RGS21: variants seen among roughly 807,000 people sequenced by gnomAD.
RGS21 encodes the protein regulator of G-protein signalling 21.
RGS21 carries 19 observed loss-of-function variants against 18.7 expected under a neutral mutation model. That is an observed-to-expected ratio of 1.01 (90% CI 0.71 to 1.49). RGS21 has a LOEUF of 1.49. Among genes scored for constraint, RGS21 ranks in the 40% most tolerant of loss-of-function variants. RGS21 has a pLI of 0.00. For missense variants in RGS21, 194 were observed against 176.8 expected (o/e 1.10, Z -0.55); for synonymous variants, 56 against 57.8 (o/e 0.97, Z 0.14).
intron 1 of RGS21, among the ~76,000 whole-genome samples, chr1:192,340,399 A>G (rs1305489045): frequency 1.3e-5 from 2 of 152,164 alleles, no homozygotes; most frequent in Admixed American, 6.6e-5. Flanking sequence ...AGTAGCAAAG[A>G]GACTCAGAAA....
chr1:192,347,281 G>C, intron 2 of RGS21, 32 bp from the exon 3 acceptor site: 2 of 1,341,252 alleles, frequency 1.5e-6, no homozygotes, highest in Non-Finnish European at 2.1e-6. Context: ...GGTTAAAGAA[G>C]AAAAAGATCA....
At chr1:192,361,156 T>C (rs1279585151) in intron 4 of RGS21, among the ~76,000 whole-genome samples, 2 of 152,142 alleles carry the variant, frequency 1.3e-5, no homozygotes, top group Non-Finnish European at 2.9e-5. Flanking sequence ...AGCACATCAG[T>C]ACTAATGTTT....
intron 1 of RGS21, among the ~76,000 whole-genome samples, chr1:192,333,358 T>G (rs1036983412): frequency 6.6e-6 from 1 of 151,264 alleles, no homozygotes; most frequent in Admixed American, 6.6e-5. Context: ...ATAAATAAAA[T>G]GTATGTCTAT....
chr1:192,342,927 T>C, intron 1 of RGS21, 50 bp from the exon 2 acceptor site: 5 of 1,026,646 alleles, frequency 4.9e-6, no homozygotes, highest in South Asian at 1.3e-5. Context: ...ACCCAGGGGA[T>C]AGGTATTCGC....
intron 4 of RGS21, among the ~76,000 whole-genome samples, chr1:192,353,431 GAA>G (rs1478587723): frequency 6.6e-6 from 1 of 151,774 alleles, no homozygotes; most frequent in Non-Finnish European, 1.5e-5. Context: ...CTGGAAAATT[GAA>G]AATGTTGCAT....
At chr1:192,331,488 A>C (rs1433391177) in intron 1 of RGS21, among the ~76,000 whole-genome samples, 1 of 152,042 alleles carries the variant, frequency 6.6e-6, no homozygotes, top group Admixed American at 6.6e-5. Context: ...CGGAGGTTGC[A>C]GTGAGCCCAG....
At chr1:192,351,736 C>A (rs1422357701) in intron 3 of RGS21, among the ~76,000 whole-genome samples, 2 of 145,704 alleles carry the variant, frequency 1.4e-5, no homozygotes, top group South Asian at 2.1e-4. Flanking sequence ...AATATATATG[C>A]TATATAGCAT....
At chr1:192,322,960 A>AT (rs1322742774) in intron 1 of RGS21, among the ~76,000 whole-genome samples, 1 of 152,104 alleles carries the variant, frequency 6.6e-6, no homozygotes, top group Non-Finnish European at 1.5e-5. Flanking sequence ...ACCTGTCATG[A>AT]TGATGTAAAA....
intron 4 of RGS21, among the ~76,000 whole-genome samples, chr1:192,365,023 C>A (rs1162987317): frequency 6.6e-6 from 1 of 151,714 alleles, no homozygotes; most frequent in Non-Finnish European, 1.5e-5. Context: ...GTAATCCCAG[C>A]TACTAGGGAG....
chr1:192,343,104 AG>A, intron 2 of RGS21, 57 bp downstream of exon 2: 1 of 1,507,698 alleles, frequency 6.6e-7, no homozygotes, highest in East Asian at 2.3e-5. Context: ...GAAACACTTG[AG>A]TCTTCTTTTA....
At chr1:192,325,234 C>T (rs10157255) in intron 1 of RGS21, among the ~76,000 whole-genome samples, 74,854 of 151,714 alleles carry the variant, frequency 0.49, 19,620 homozygotes, top group African/African-American at 0.65. Flanking sequence ...TTTGGCTTTC[C>T]GTCTCTGAAT....
At chr1:192,345,430 C>T (rs1338007819) in intron 2 of RGS21, among the ~76,000 whole-genome samples, 1 of 152,054 alleles carries the variant, frequency 6.6e-6, no homozygotes, top group Admixed American at 6.6e-5. Context: ...GCCATTTACC[C>T]TCTTCCATTG....
At chr1:192,333,628 CAAA>C (rs376989840) in intron 1 of RGS21, among the ~76,000 whole-genome samples, 258 of 102,366 alleles carry the variant, frequency 2.5e-3, no homozygotes, top group African/African-American at 7.8e-3. Context: ...CTCAAAATGA[CAAA>C]AAAAAAAAAA....
At chr1:192,356,267 C>T (rs1571462307) in intron 4 of RGS21, among the ~76,000 whole-genome samples, 2 of 151,714 alleles carry the variant, frequency 1.3e-5, no homozygotes, top group African/African-American at 4.8e-5. Context: ...TTATTCTGTG[C>T]CTAGTCACAT....
rs546431380 is a variant in RGS21, at chr1:192,330,852, A to T, written c.-60-12125A>T. ...CAAGTATAGTTAAGTCAAAACAAAAAATAAGGATTGAATGATAGACAATTG... is the reference window on the plus strand; with the variant it reads ...CAAGTATAGTTAAGTCAAAACAAAATATAAGGATTGAATGATAGACAATTG... On this transcript the variant is annotated intron_variant, in intron 1 of 4. Coordinates refer to ENST00000417209, the MANE Select transcript of RGS21 (RefSeq NM_001039152.3). Among the ~76,000 whole-genome samples, 137 of 152,300 alleles carry T rather than the reference A, an allele frequency of 9.0e-4. 1 individual carries two copies. Among genetic ancestry groups the T allele is most frequent in the South Asian group, 2.3e-3 (11 of 4,826 alleles).
At chr1:192,329,280 A>AT (rs1571450171) in intron 1 of RGS21, among the ~76,000 whole-genome samples, 2 of 151,874 alleles carry the variant, frequency 1.3e-5, no homozygotes, top group South Asian at 4.1e-4. Context: ...CTACCTATTC[A>AT]TTTTTTCCTT....
At chr1:192,359,655 G>GTGTGTATA (rs1553241170) in intron 4 of RGS21, among the ~76,000 whole-genome samples, 1 of 124,274 alleles carries the variant, frequency 8.0e-6, no homozygotes, top group African/African-American at 3.0e-5. Context: ...GTGTGTGTGT[G>GTGTGTATA]TATATATATA....
At chr1:192,326,522 A>G (rs1469992337) in intron 1 of RGS21, among the ~76,000 whole-genome samples, 3 of 152,100 alleles carry the variant, frequency 2.0e-5, no homozygotes, top group African/African-American at 7.2e-5. Flanking sequence ...TTATGTGTGT[A>G]CTCATTATGT....
intron 4 of RGS21, among the ~76,000 whole-genome samples, chr1:192,363,696 A>G (rs1659218355): frequency 6.6e-6 from 1 of 152,132 alleles, no homozygotes; most frequent in Admixed American, 6.6e-5. Flanking sequence ...CATAAACTCT[A>G]CAAGACCTGG....
Sources: gnomAD v4.1 joint callset for allele counts (sites outside exome capture counted in the v4.1 genomes callset) on GRCh38, gnomAD v4.1.1 for gene constraint, MANE v1.5 for transcripts, NCBI Gene and HGNC (gene_info 2026-07-23, HGNC 2026-07-21) for gene names.